The following TBC1D2B variants were observed in gnomAD, a reference collection of about 807,000 sequenced individuals.
TBC1D2B encodes the protein TBC1 domain family, member 2B.
A neutral mutation model predicts 100.8 loss-of-function variants in TBC1D2B; 64 were observed. The observed-to-expected ratio is 0.64, with a 90% CI of 0.52 to 0.78. The LOEUF (loss-of-function observed/expected upper bound fraction) is 0.78, where lower values mean the gene tolerates loss of function less well. TBC1D2B is among the 30% of genes least tolerant of loss of function. TBC1D2B has a pLI of 0.00. For missense variants in TBC1D2B, 1,052 were observed against 1,218.4 expected (o/e 0.86, Z 2.03); for synonymous variants, 480 against 479.7 (o/e 1.00, Z -0.01).
chr15:78,031,574 A>AAAAAAAAAG lies in TBC1D2B; in HGVS notation c.684-1405_684-1404insCTTTTTTTT, dbSNP rs1452770906. The stretch of plus-strand genomic sequence containing the variant: ...GTCTCCAAAAAAAAAAAAAAAAAAA[A>AAAAAAAAAG]AGAGAGAGAGAGAGGATTTTAGTAA... On this transcript the variant is annotated intron_variant, in intron 3 of 12. Coordinates refer to ENST00000300584, the MANE Select transcript of TBC1D2B (RefSeq NM_144572.2). Among the ~76,000 whole-genome samples the AAAAAAAAAG allele has an allele frequency of 4.0e-4, 59 of 147,564 alleles. 1 individual carries two copies. The highest frequency in any genetic ancestry group is 7.8e-4 in the East Asian group (4 of 5,126).
At chr15:78,055,622 C>A (rs983846617) in intron 1 of TBC1D2B, among the ~76,000 whole-genome samples, 5 of 152,222 alleles carry the variant, frequency 3.3e-5, no homozygotes, top group Admixed American at 6.5e-5. Flanking sequence ...CCTGTGGGTG[C>A]TGTGACCACA....
At position 78,044,934 on chromosome 15, in the gene TBC1D2B, A is replaced by C; in HGVS notation, c.649T>G (p.Phe217Val). The C allele has an allele frequency of 6.2e-7, 1 of 1,613,370 alleles. No homozygotes were observed. Among genetic ancestry groups the C allele is most frequent in the Non-Finnish European group, 8.5e-7 (1 of 1,179,536 alleles). ...PAPGHPNSIN[F>V]YSLKQWGNEL... Reference sequence around the variant, plus strand: ...TTGCCCCACTGTTTCAAAGAGTAAAAATTAATGGAATTTGGATGCCCTGGG... The same window carrying C: ...TTGCCCCACTGTTTCAAAGAGTAAACATTAATGGAATTTGGATGCCCTGGG... The change falls in exon 3 of 13, where the codon TTT becomes GTT. Residue 217 changes from phenylalanine (F) to valine (V), a missense_variant. Physicochemically the swap from Phe to Val is conservative, Grantham distance 50. Around this residue, in one of 4 missense-constraint regions of TBC1D2B, gnomAD observed 627 missense variants for 646.1 expected, o/e 0.97. Transcript: ENST00000300584.
Position 77,997,502 on chromosome 15 carries a change from C to G in TBC1D2B, c.*658G>C, listed in dbSNP as rs2141603194. 6.6e-6 allele frequency: 1 copy of G among 152,438 alleles called. No individual in the cohort carries two copies. Among genetic ancestry groups the G allele is most frequent in the African/African-American group, 2.4e-5 (1 of 41,588 alleles). 9.4% of individuals were successfully genotyped at this position (152,438 alleles called of 1,614,324 possible). A position where few individuals can be genotyped will look rare whatever the true frequency, so the allele number is the denominator to read the frequency against. On this transcript the variant is annotated 3_prime_UTR_variant, in exon 13 of 13. Transcript: ENST00000300584. ...GTGGGTGTCTGGGCAGCCAGGCCCT[C>G]CCCATGCAGGCTGGAAGACACTGAT...
At position 78,016,604 on chromosome 15, in the gene TBC1D2B, G is replaced by A; in HGVS notation, c.1717C>T (p.Leu573=). 1 of 1,613,060 alleles carries A rather than the reference G, an allele frequency of 6.2e-7. No homozygotes were observed. Among genetic ancestry groups the A allele is most frequent in the Non-Finnish European group, 8.5e-7 (1 of 1,179,548 alleles). Residue 573 remains leucine (L), a synonymous_variant, in exon 8 of 13, where the codon CTG becomes TTG. Coordinates refer to ENST00000300584, the MANE Select transcript of TBC1D2B (RefSeq NM_144572.2). ...GGCTGCTCTTGGCTCTCAACCTGCA[G>A]AGCATCCTCCAGCAACTGGGCTATG... ...EVIAQLLEDA[L]QVESQEQPEQ...
chr15:78,069,265 G>A (rs886746431), intron 1 of TBC1D2B, among the ~76,000 whole-genome samples: 13 of 152,150 alleles, frequency 8.5e-5, no homozygotes, highest in African/African-American at 2.9e-4. Flanking sequence ...AGTCAATGCC[G>A]GGGGCCATTA....
intron 2 of TBC1D2B, among the ~76,000 whole-genome samples, chr15:78,048,200 T>C (rs1378642370): frequency 2.0e-5 from 3 of 152,178 alleles, no homozygotes; most frequent in African/African-American, 7.2e-5. Context: ...GAGGAACACG[T>C]TGGAGGAAAA....
intron 3 of TBC1D2B, among the ~76,000 whole-genome samples, chr15:78,040,758 G>C (rs1270469448): frequency 3.0e-5 from 4 of 133,368 alleles, no homozygotes; most frequent in African/African-American, 1.1e-4. Flanking sequence ...AGGGAGGGAG[G>C]GAGAGAGGAA....
At chr15:78,013,461 T>C in intron 8 of TBC1D2B, 144 bp from the exon 9 acceptor site, 1 of 816,210 alleles carries the variant, frequency 1.2e-6, no homozygotes, top group Non-Finnish European at 1.9e-6. Flanking sequence ...AGTGAGGATA[T>C]AATCGACTTC....
At position 77,997,057 on chromosome 15, in the gene TBC1D2B, C is replaced by G. The variant is rs1380607369; in HGVS notation, c.*1103G>C. Reference sequence around the variant, plus strand: ...AGGCAGTGGTGGGGTGGGCACACATCTGGGAGAGCTCACCCAAGCCTGCCC... The same window carrying G: ...AGGCAGTGGTGGGGTGGGCACACATGTGGGAGAGCTCACCCAAGCCTGCCC... On this transcript the variant is annotated 3_prime_UTR_variant, in exon 13 of 13. Transcript: ENST00000300584. 1 of 152,288 alleles carries G rather than the reference C, an allele frequency of 6.6e-6. No individual in the cohort carries two copies. The highest frequency in any genetic ancestry group is 1.5e-5 in the Non-Finnish European group (1 of 68,084). 9.4% of individuals were successfully genotyped at this position (152,288 alleles called of 1,614,324 possible). A position where few individuals can be genotyped will look rare whatever the true frequency, so the allele number is the denominator to read the frequency against.
At chr15:78,003,275 T>A (rs756429376) in intron 11 of TBC1D2B, 30 bp downstream of exon 11, 2 of 1,603,572 alleles carry the variant, frequency 1.2e-6, no homozygotes, top group Non-Finnish European at 1.7e-6. Flanking sequence ...AGTGTGTATA[T>A]CTGAAAATAG....
At chr15:78,073,510 C>T (rs2073772236) in intron 1 of TBC1D2B, among the ~76,000 whole-genome samples, 1 of 152,138 alleles carries the variant, frequency 6.6e-6, no homozygotes, top group Admixed American at 6.5e-5. Context: ...TCAGGGTCTC[C>T]TCTATGGCTG....
intron 4 of TBC1D2B, among the ~76,000 whole-genome samples, chr15:78,028,443 C>T (rs528911887): frequency 2.0e-5 from 3 of 152,304 alleles, no homozygotes; most frequent in African/African-American, 4.8e-5. Context: ...TGCACTCCAC[C>T]CTGGGTGACA....
At chr15:78,055,966 G>T (rs1373849576) in intron 1 of TBC1D2B, among the ~76,000 whole-genome samples, 3 of 152,208 alleles carry the variant, frequency 2.0e-5, no homozygotes. Context: ...GGGAGGTGCA[G>T]CAAAGGACAA....
At chr15:78,058,716 T>G (rs148044827) in intron 1 of TBC1D2B, among the ~76,000 whole-genome samples, 1 of 152,184 alleles carries the variant, frequency 6.6e-6, no homozygotes, top group African/African-American at 2.4e-5. Context: ...AGGATCACCA[T>G]CTGCCCCCCA....
chr15:78,077,377 C>G lies in TBC1D2B; in HGVS notation c.276G>C (p.Gln92His). 2 of 1,542,058 alleles carry G rather than the reference C, an allele frequency of 1.3e-6. No homozygotes were observed. The highest frequency in any genetic ancestry group is 1.7e-6 in the Non-Finnish European group (2 of 1,143,890). Reference protein sequence around the residue: ...LDIADACFSYQGPDEAAEPGT... With the variant: ...LDIADACFSYHGPDEAAEPGT... ...CCGGCTCCGCCGCCTCGTCGGGGCC[C>G]TGGTAGCTGAAGCAGGCGTCCGCGA... Residue 92 changes from glutamine (Q) to histidine (H), a missense_variant, in exon 1 of 13, where the codon CAG becomes CAC. Transcript: ENST00000300584.
intron 9 of TBC1D2B, among the ~76,000 whole-genome samples, chr15:78,011,861 G>A (rs949283858): frequency 6.6e-6 from 1 of 152,066 alleles, no homozygotes; most frequent in Non-Finnish European, 1.5e-5. Flanking sequence ...TGGCCAGGCT[G>A]GTCTTGAACT....
At position 78,040,851 on chromosome 15, in the gene TBC1D2B, A is replaced by AAAGG. The variant is rs1188570411; in HGVS notation, c.683+4045_683+4048dup. Among the ~76,000 whole-genome samples, 842 of 134,180 alleles carry AAAGG rather than the reference A, an allele frequency of 6.3e-3. 16 individuals carry two copies. The highest frequency in any genetic ancestry group is 0.016 in the African/African-American group (568 of 35,492). 88.0% of individuals were successfully genotyped at this position (134,180 alleles called of 152,430 possible). ...GGAAAGAAAGAAAAAAGAAAGAAAG[A>AAAGG]AAGGAAGAAAGAAAGAAAGAAAGAA... On this transcript the variant is annotated intron_variant, in intron 3 of 12. Transcript: ENST00000300584.
chr15:78,001,866 G>T (rs1208684579), intron 11 of TBC1D2B, 126 bp from the exon 12 acceptor site: 3 of 1,123,108 alleles, frequency 2.7e-6, no homozygotes, highest in Non-Finnish European at 3.7e-6. Flanking sequence ...CCCCGCCCTG[G>T]GGAAAGACTA....
intron 2 of TBC1D2B, among the ~76,000 whole-genome samples, chr15:78,047,845 T>A (rs2073230787): frequency 6.6e-6 from 1 of 152,324 alleles, no homozygotes; most frequent in East Asian, 1.9e-4. Flanking sequence ...TGACACCATG[T>A]GTCAGTCTAC....
Sources: allele counts gnomAD v4.1 joint callset (sites outside exome capture counted in the v4.1 genomes callset), GRCh38; gene constraint gnomAD v4.1.1; regional missense constraint gnomAD v4.1.1; transcripts MANE v1.5; gene names NCBI Gene and HGNC (gene_info 2026-07-23, HGNC 2026-07-21).